Variants in CCDC150 observed in about 807,000 individuals in gnomAD.
CCDC150 encodes the protein coiled-coil domain containing 150, also known as coiled-coil domain-containing protein 150.
Under a neutral mutation model 156.5 loss-of-function variants are expected in CCDC150, and 151 were observed. The ratio of observed to expected loss-of-function variants is 0.97; its 90% CI spans 0.85 to 1.10. The LOEUF (loss-of-function observed/expected upper bound fraction) is 1.10, where lower values mean the gene tolerates loss of function less well. CCDC150 is among the 50% of genes least tolerant of loss of function. The pLI is 0.00. For missense variants in CCDC150, 1,312 were observed against 1,268.1 expected (o/e 1.03, Z -0.53); for synonymous variants, 452 against 429.4 (o/e 1.05, Z -0.65).
chr2:196,721,800 T>C lies in CCDC150; in HGVS notation c.2429+109T>C, dbSNP rs1697933758. On this transcript the variant is annotated intron_variant, in intron 21 of 27. Transcript: ENST00000389175. ...AATCAGTTAAACTCTTTTCTCCTAC[T>C]TTGCCCTAGTACTTCCAGCAGAGCC... The C allele has an allele frequency of 4.5e-6, 4 of 894,408 alleles. No individual in the cohort carries two copies. The Admixed American group carries it at 9.3e-5, about 21-fold the overall frequency. The allele number at this position is 894,408 out of a possible 1,614,324, so 55.4% of individuals were successfully genotyped here.
chr2:196,649,421 G>A lies in CCDC150; in HGVS notation c.176+2917G>A, dbSNP rs1692743168. Among the ~76,000 whole-genome samples, 8 of 152,220 alleles carry A rather than the reference G, an allele frequency of 5.3e-5. No homozygotes were observed. In the South Asian group the frequency reaches 1.7e-3, roughly 32 times the overall value. ...AGCTATGGTAATGTTGCAGTGCAAG[G>A]CATCACTTTTTCTATGTTTAGATAT... On this transcript the variant is annotated intron_variant, in intron 2 of 27. Coordinates refer to ENST00000389175, the MANE Select transcript of CCDC150 (RefSeq NM_001080539.2).
intron 14 of CCDC150, among the ~76,000 whole-genome samples, chr2:196,698,049 A>G (rs748101256): frequency 2.6e-5 from 4 of 152,212 alleles, no homozygotes; most frequent in Non-Finnish European, 5.9e-5. Context: ...TGTTTATAGT[A>G]TATTACCAAG....
chr2:196,726,043 CA>C lies in CCDC150; in HGVS notation c.2501del (p.Gln834ArgfsTer20). 1 of 1,611,940 alleles carries C rather than the reference CA, an allele frequency of 6.2e-7. No homozygotes were observed. Among genetic ancestry groups the C allele is most frequent in the Non-Finnish European group, 8.5e-7 (1 of 1,178,972 alleles). On this transcript the variant is annotated frameshift_variant, in exon 22 of 28. Transcript: ENST00000389175. LOFTEE classifies it high-confidence loss of function. The stretch of plus-strand genomic sequence containing the variant: ...TGAACGCATAGAAGCTCTAAGAAAG[CA>C]GTTTCAAACCGAGAGAGAAACTACA... ...HAERIEALRK[Q>X]FQTERETTKK...
chr2:196,730,873 T>G lies in CCDC150; in HGVS notation c.2997T>G (p.Thr999=). 6.3e-7 allele frequency: 1 copy of G among 1,596,680 alleles called. No individual in the cohort carries two copies. Among genetic ancestry groups the G allele is most frequent in the Non-Finnish European group, 8.5e-7 (1 of 1,171,356 alleles). ...LENRCQELEE[T]VRHLKKCKEA... ...CACATTTTCAGGAATTGGAAGAAAC[T>G]GTCAGACACCTGAAGAAATGTAAAG... Residue 999 remains threonine (T), a synonymous_variant, in exon 26 of 28, where the codon ACT becomes ACG. Coordinates refer to ENST00000389175, the MANE Select transcript of CCDC150 (RefSeq NM_001080539.2).
At chr2:196,685,857 G>A (rs866908775) in intron 13 of CCDC150, among the ~76,000 whole-genome samples, 63 of 151,932 alleles carry the variant, frequency 4.1e-4, no homozygotes, top group African/African-American at 1.4e-3. Context: ...CTCGTGATCC[G>A]CCCGCCTCAG....
chr2:196,706,584 T>G (rs1037488733), intron 15 of CCDC150, among the ~76,000 whole-genome samples: 33 of 152,250 alleles, frequency 2.2e-4, no homozygotes, highest in Non-Finnish European at 4.1e-4. Flanking sequence ...CATCCCTGTC[T>G]TGTGCCAGTT....
intron 5 of CCDC150, among the ~76,000 whole-genome samples, chr2:196,660,939 A>G (rs1693523149): frequency 6.6e-6 from 1 of 152,168 alleles, no homozygotes; most frequent in African/African-American, 2.4e-5. Flanking sequence ...TTTTACATTT[A>G]GGTCTTTGAT....
At chr2:196,702,645 ACAAGAGACTT>A (rs1435076725) in intron 15 of CCDC150, among the ~76,000 whole-genome samples, 1 of 151,842 alleles carries the variant, frequency 6.6e-6, no homozygotes, top group Non-Finnish European at 1.5e-5. Flanking sequence ...TGCTGGGATT[ACAAGAGACTT>A]CAGTACTTTT....
chr2:196,704,797 G>T (rs1696492774), intron 15 of CCDC150, among the ~76,000 whole-genome samples: 3 of 152,080 alleles, frequency 2.0e-5, no homozygotes, highest in Non-Finnish European at 4.4e-5. Flanking sequence ...GAGAACATGG[G>T]GTGTTTGTTT....
chr2:196,709,998 T>C (rs1306324655), intron 15 of CCDC150, among the ~76,000 whole-genome samples: 1 of 152,228 alleles, frequency 6.6e-6, no homozygotes, highest in Non-Finnish European at 1.5e-5. Flanking sequence ...GTCTGTCTGT[T>C]CTCCGAGCTC....
intron 26 of CCDC150, among the ~76,000 whole-genome samples, chr2:196,731,740 A>G (rs896317328): frequency 6.6e-6 from 1 of 152,000 alleles, no homozygotes; most frequent in Non-Finnish European, 1.5e-5. Flanking sequence ...TTTCAAAGCC[A>G]TCTTTTACCT....
intron 15 of CCDC150, among the ~76,000 whole-genome samples, chr2:196,708,277 T>C (rs1049847177): frequency 6.6e-6 from 1 of 152,230 alleles, no homozygotes; most frequent in African/African-American, 2.4e-5. Context: ...TCTTTGTCTC[T>C]TTTGATCTTT....
intron 13 of CCDC150, among the ~76,000 whole-genome samples, chr2:196,693,480 A>T: frequency 6.6e-6 from 1 of 152,216 alleles, no homozygotes; most frequent in East Asian, 1.9e-4. Flanking sequence ...ATATATAGAA[A>T]TACAATAGAT....
chr2:196,671,585 G>A (rs564305104), intron 8 of CCDC150, among the ~76,000 whole-genome samples: 62 of 111,484 alleles, frequency 5.6e-4, no homozygotes, highest in Admixed American at 1.1e-3. Flanking sequence ...CCTCCACCAC[G>A]CCTGGCTAAT....
At chr2:196,672,738 C>G (rs897277861) in intron 9 of CCDC150, among the ~76,000 whole-genome samples, 8 of 152,142 alleles carry the variant, frequency 5.3e-5, no homozygotes, top group Middle Eastern at 3.2e-3. Flanking sequence ...TTTCCCCCTC[C>G]AAAGTGAACT....
intron 14 of CCDC150, among the ~76,000 whole-genome samples, chr2:196,697,542 G>T (rs1465926674): frequency 1.3e-5 from 2 of 152,110 alleles, no homozygotes; most frequent in Non-Finnish European, 2.9e-5. Flanking sequence ...GGACTTTAAT[G>T]ACTTGAAATT....
intron 8 of CCDC150, 144 bp downstream of exon 8, chr2:196,670,020 G>A (rs1473874982): frequency 5.7e-6 from 3 of 522,186 alleles, no homozygotes; most frequent in Admixed American, 3.3e-5. Context: ...AGTATATTTA[G>A]GATAATAGTA....
chr2:196,697,693 A>G (rs1423437075), intron 14 of CCDC150, among the ~76,000 whole-genome samples: 1 of 152,224 alleles, frequency 6.6e-6, no homozygotes, highest in Non-Finnish European at 1.5e-5. Context: ...AATTCAAAAT[A>G]ATAAAAAACT....
intron 15 of CCDC150, among the ~76,000 whole-genome samples, chr2:196,710,776 G>A (rs1169600722): frequency 2.6e-5 from 4 of 152,058 alleles, no homozygotes; most frequent in Admixed American, 1.3e-4. Context: ...TTAAAGAATA[G>A]GAATGATAGA....
Sources: gnomAD v4.1 joint callset for allele counts (sites outside exome capture counted in the v4.1 genomes callset) on GRCh38, gnomAD v4.1.1 for gene constraint, MANE v1.5 for transcripts, NCBI Gene and HGNC (gene_info 2026-07-23, HGNC 2026-07-21) for gene names.